Variants in ESRRG observed in about 807,000 individuals in gnomAD.
The protein encoded by ESRRG is estrogen related receptor gamma.
In ESRRG, 13 loss-of-function variants were observed where a neutral mutation model predicts 44.0. The ratio of observed to expected loss-of-function variants is 0.30; its 90% CI spans 0.19 to 0.47. The LOEUF is 0.47. Among genes scored for constraint, ESRRG ranks in the 20% least tolerant of loss-of-function variants. The probability of loss-of-function intolerance (pLI) is 1.00; values close to 1 mark genes in which losing one functional copy is unlikely to be tolerated. For synonymous variants in ESRRG, 215 were observed against 214.6 expected (o/e 1.00, Z -0.02); for missense variants, 395 against 580.6 (o/e 0.68, Z 3.29).
At chr1:216,651,873 A>T (rs1369886471) in intron 2 of ESRRG, among the ~76,000 whole-genome samples, 1 of 152,180 alleles carries the variant, frequency 6.6e-6, no homozygotes, top group Non-Finnish European at 1.5e-5. Flanking sequence ...TAAAATGGCA[A>T]CTAAGAAACC....
intron 1 of ESRRG, among the ~76,000 whole-genome samples, chr1:216,949,738 A>G (rs1320717814): frequency 6.6e-6 from 1 of 152,232 alleles, no homozygotes; most frequent in African/African-American, 2.4e-5. Context: ...AAACGAACCA[A>G]AAATGTGTTT....
At chr1:216,873,357 G>A (rs1311266697) in intron 2 of ESRRG, among the ~76,000 whole-genome samples, 20 of 151,850 alleles carry the variant, frequency 1.3e-4, no homozygotes, top group Non-Finnish European at 1.6e-4. Flanking sequence ...GATTACAGGC[G>A]CCAGCCAGCA....
At chr1:217,105,949 CTG>C (rs1340134787) in intron 1 of ESRRG, among the ~76,000 whole-genome samples, 3 of 152,166 alleles carry the variant, frequency 2.0e-5, no homozygotes, top group Non-Finnish European at 2.9e-5. Flanking sequence ...AACCTTGAAA[CTG>C]TGTAATTATC....
intron 3 of ESRRG, among the ~76,000 whole-genome samples, chr1:216,575,651 G>T (rs2061562881): frequency 6.6e-6 from 1 of 152,114 alleles, no homozygotes; most frequent in Non-Finnish European, 1.5e-5. Flanking sequence ...GTAAGAGGCA[G>T]AAACAGGAGT....
At chr1:216,909,143 T>C (rs568608722) in intron 2 of ESRRG, among the ~76,000 whole-genome samples, 1 of 152,354 alleles carries the variant, frequency 6.6e-6, no homozygotes, top group South Asian at 2.1e-4. Context: ...GGTGTGACTT[T>C]GTTGAGCCTT....
At chr1:216,760,149 A>G (rs543508817) in intron 2 of ESRRG, among the ~76,000 whole-genome samples, 2 of 151,996 alleles carry the variant, frequency 1.3e-5, no homozygotes, top group Non-Finnish European at 2.9e-5. Context: ...TCCCCAGCGC[A>G]AGGGACCATG....
At chr1:216,828,030 C>T (rs1373394020) in intron 2 of ESRRG, among the ~76,000 whole-genome samples, 2 of 152,138 alleles carry the variant, frequency 1.3e-5, no homozygotes, top group Non-Finnish European at 2.9e-5. Context: ...CAAATCATTT[C>T]CTACCATTTC....
chr1:216,716,669 A>C (rs943314576), intron 1 of ESRRG, among the ~76,000 whole-genome samples: 15 of 152,062 alleles, frequency 9.9e-5, no homozygotes, highest in Admixed American at 1.3e-4. Flanking sequence ...TGTTTTTTAT[A>C]ATTAAAATAT....
intron 1 of ESRRG, among the ~76,000 whole-genome samples, chr1:216,978,385 C>T (rs954837410): frequency 1.3e-5 from 2 of 152,124 alleles, no homozygotes; most frequent in East Asian, 3.9e-4. Flanking sequence ...CTTTACAGAA[C>T]AAGTTTGCCA....
At chr1:217,071,276 C>T (rs1220882102) in intron 1 of ESRRG, among the ~76,000 whole-genome samples, 2 of 151,988 alleles carry the variant, frequency 1.3e-5, no homozygotes, top group African/African-American at 2.4e-5. Context: ...AACAAACAAA[C>T]AAAAACACCT....
intron 2 of ESRRG, among the ~76,000 whole-genome samples, chr1:216,782,136 G>T (rs2093957880): frequency 6.6e-6 from 1 of 152,064 alleles, no homozygotes; most frequent in Non-Finnish European, 1.5e-5. Flanking sequence ...CAAGTCTTGT[G>T]TGAGTAACTA....
chr1:216,767,596 A>G (rs2093148128), intron 2 of ESRRG, among the ~76,000 whole-genome samples: 1 of 152,190 alleles, frequency 6.6e-6, no homozygotes, highest in East Asian at 1.9e-4. Context: ...TTACTTAAAC[A>G]GATACAAAAC....
At chr1:216,654,650 T>C (rs983896287) in intron 2 of ESRRG, among the ~76,000 whole-genome samples, 1 of 148,858 alleles carries the variant, frequency 6.7e-6, no homozygotes, top group African/African-American at 2.5e-5. Flanking sequence ...AAAAAAAATC[T>C]AGTTAATTTT....
At chr1:216,870,433 T>C (rs1360753689) in intron 2 of ESRRG, among the ~76,000 whole-genome samples, 2 of 151,982 alleles carry the variant, frequency 1.3e-5, no homozygotes, top group Non-Finnish European at 2.9e-5. Flanking sequence ...AAATATTTCT[T>C]TGTATTTCTC....
chr1:217,085,106 A>G (rs2091997803), intron 1 of ESRRG, among the ~76,000 whole-genome samples: 1 of 79,048 alleles, frequency 1.3e-5, no homozygotes, highest in South Asian at 4.0e-4. Flanking sequence ...GTTGTGAATC[A>G]AGGATGAGTA....
intron 3 of ESRRG, among the ~76,000 whole-genome samples, chr1:216,650,554 A>C (rs928300303): frequency 3.3e-5 from 5 of 152,170 alleles, no homozygotes; most frequent in African/African-American, 1.2e-4. Flanking sequence ...AATAAAGTCT[A>C]AAAGATAAGG....
intron 1 of ESRRG, among the ~76,000 whole-genome samples, chr1:216,967,561 T>G (rs534194487): frequency 6.6e-6 from 1 of 152,316 alleles, no homozygotes; most frequent in African/African-American, 2.4e-5. Flanking sequence ...TTTTCATCAC[T>G]TGATAGCTCA....
At chr1:216,953,575 C>T (rs189697430) in intron 1 of ESRRG, among the ~76,000 whole-genome samples, 10 of 152,154 alleles carry the variant, frequency 6.6e-5, no homozygotes, top group Admixed American at 5.2e-4. Flanking sequence ...CCTTCATCCT[C>T]CCTCTTGGCC....
chr1:216,931,980 C>T (rs2063415840), intron 2 of ESRRG, among the ~76,000 whole-genome samples: 1 of 152,048 alleles, frequency 6.6e-6, no homozygotes, highest in Non-Finnish European at 1.5e-5. Context: ...CCGAGGCAGG[C>T]AGATCATGAG....
Sources: gnomAD v4.1 joint callset for allele counts (sites outside exome capture counted in the v4.1 genomes callset) on GRCh38, gnomAD v4.1.1 for gene constraint, MANE v1.5 for transcripts, NCBI Gene and HGNC (gene_info 2026-07-23, HGNC 2026-07-21) for gene names.